The following RBPMS variants were observed in gnomAD, a reference collection of about 807,000 sequenced individuals.
RBPMS encodes RNA binding protein, mRNA processing factor.
In RBPMS, 7 loss-of-function variants were observed where a neutral mutation model predicts 26.8. The observed-to-expected ratio is 0.26, with a 90% confidence interval of 0.15 to 0.49. The LOEUF is 0.49. RBPMS is among the 20% of genes least tolerant of loss of function. The pLI is 0.98. For missense variants in RBPMS, 186 were observed against 250.0 expected (o/e 0.74, Z 1.73); for synonymous variants, 96 against 93.3 (o/e 1.03, Z -0.17).
intron 4 of RBPMS, among the ~76,000 whole-genome samples, chr8:30,498,736 G>A (rs1012474512): frequency 2.6e-5 from 4 of 152,138 alleles, no homozygotes; most frequent in Non-Finnish European, 5.9e-5. Context: ...ATGTATAGTA[G>A]ATAATGAGAG....
At chr8:30,489,378 G>A (rs4733492) in intron 4 of RBPMS, among the ~76,000 whole-genome samples, 151,952 of 152,356 alleles carry the variant, frequency 1, 75,774 homozygotes, top group Middle Eastern at 1. Context: ...CTGGCATTCA[G>A]TAATGGTAAA....
intron 1 of RBPMS, among the ~76,000 whole-genome samples, chr8:30,393,545 C>T (rs1808038657): frequency 6.6e-6 from 1 of 150,782 alleles, no homozygotes; most frequent in Non-Finnish European, 1.5e-5. Context: ...TTCTTTGAGA[C>T]GGAGTCTTGC....
chr8:30,416,832 C>T (rs1407471967), intron 1 of RBPMS, among the ~76,000 whole-genome samples: 28 of 152,090 alleles, frequency 1.8e-4, no homozygotes, highest in Non-Finnish European at 2.9e-5. Flanking sequence ...TACAGTGGTG[C>T]AATCTCGACT....
At chr8:30,522,678 G>A (rs995942874) in intron 5 of RBPMS, among the ~76,000 whole-genome samples, 17 of 151,998 alleles carry the variant, frequency 1.1e-4, no homozygotes, top group African/African-American at 3.9e-4. Flanking sequence ...AGTTTCATAG[G>A]TATATACTTA....
intron 6 of RBPMS, among the ~76,000 whole-genome samples, chr8:30,550,025 T>A (rs1826229279): frequency 6.6e-6 from 1 of 152,016 alleles, no homozygotes; most frequent in African/African-American, 2.4e-5. Context: ...TCATTTTTTG[T>A]ATTTTTAGTA....
At chr8:30,438,842 C>T (rs113481688) in intron 1 of RBPMS, among the ~76,000 whole-genome samples, 36,714 of 152,024 alleles carry the variant, frequency 0.24, 4,879 homozygotes, top group East Asian at 0.43. Context: ...GGTGCAATCT[C>T]AGCTCACTGT....
At chr8:30,457,583 CTTTTTTTTTTT>C (rs77253053) in intron 1 of RBPMS, among the ~76,000 whole-genome samples, 1 of 132,858 alleles carries the variant, frequency 7.5e-6, no homozygotes, top group African/African-American at 3.0e-5. Context: ...GATTTACATT[CTTTTTTTTTTT>C]TTTTTTTTTT....
intron 1 of RBPMS, among the ~76,000 whole-genome samples, chr8:30,469,451 C>T (rs1816853637): frequency 2.0e-5 from 3 of 152,258 alleles, no homozygotes; most frequent in Admixed American, 2.0e-4. Context: ...CAAGAACACT[C>T]TTGCTCTTCT....
chr8:30,486,859 T>A (rs1159585832), intron 4 of RBPMS, among the ~76,000 whole-genome samples: 1 of 152,092 alleles, frequency 6.6e-6, no homozygotes, highest in Non-Finnish European at 1.5e-5. Flanking sequence ...CTGTGTGAAA[T>A]AGCTCTCAGA....
chr8:30,529,807 G>T (rs1178685184), intron 5 of RBPMS, among the ~76,000 whole-genome samples: 1 of 150,488 alleles, frequency 6.6e-6, no homozygotes, highest in Non-Finnish European at 1.5e-5. Flanking sequence ...AGGCTGGAGT[G>T]CAATGGCATG....
intron 6 of RBPMS, among the ~76,000 whole-genome samples, chr8:30,548,993 A>G (rs538224989): frequency 5.9e-5 from 9 of 152,362 alleles, no homozygotes; most frequent in African/African-American, 2.2e-4. Context: ...CTCAGTGCGC[A>G]CACAGCTCCT....
At chr8:30,521,683 G>A (rs1219578261) in intron 5 of RBPMS, among the ~76,000 whole-genome samples, 2 of 150,630 alleles carry the variant, frequency 1.3e-5, no homozygotes, top group Admixed American at 1.3e-4. Flanking sequence ...TGTTGCAAAC[G>A]GTAGGATCCT....
At chr8:30,492,433 T>C (rs1478855334) in intron 4 of RBPMS, among the ~76,000 whole-genome samples, 1 of 151,872 alleles carries the variant, frequency 6.6e-6, no homozygotes, top group Non-Finnish European at 1.5e-5. Flanking sequence ...GACACCACGC[T>C]TGTCAACACC....
chr8:30,435,749 A>G (rs1007475885), intron 1 of RBPMS, among the ~76,000 whole-genome samples: 6 of 152,224 alleles, frequency 3.9e-5, no homozygotes, highest in African/African-American at 1.4e-4. Flanking sequence ...AATACTCTTG[A>G]AGAGTCTTCA....
chr8:30,520,920 T>C (rs1822958234), intron 5 of RBPMS, among the ~76,000 whole-genome samples: 1 of 152,176 alleles, frequency 6.6e-6, no homozygotes, highest in African/African-American at 2.4e-5. Flanking sequence ...TTCTTCCCAA[T>C]TGTAAGGCTT....
At chr8:30,419,991 G>A (rs1810564203) in intron 1 of RBPMS, among the ~76,000 whole-genome samples, 1 of 152,094 alleles carries the variant, frequency 6.6e-6, no homozygotes, top group South Asian at 2.1e-4. Context: ...TTGAGAGGAC[G>A]ACATGCATGG....
intron 8 of RBPMS, among the ~76,000 whole-genome samples, chr8:30,569,584 C>A (rs1828129559): frequency 2.0e-5 from 3 of 152,164 alleles, no homozygotes; most frequent in African/African-American, 7.2e-5. Context: ...GATTTGGAAG[C>A]CACTGGAAAG....
intron 4 of RBPMS, among the ~76,000 whole-genome samples, chr8:30,484,093 A>T (rs1056499853): frequency 6.6e-6 from 1 of 152,162 alleles, no homozygotes; most frequent in African/African-American, 2.4e-5. Flanking sequence ...TCCTTTGGGT[A>T]TACCTAGGAG....
intron 1 of RBPMS, among the ~76,000 whole-genome samples, chr8:30,411,210 C>T (rs762910013): frequency 1.1e-4 from 16 of 152,200 alleles, no homozygotes; most frequent in Non-Finnish European, 1.8e-4. Context: ...TTCTCACTTC[C>T]TCCTGTATGT....
Sources: allele counts gnomAD v4.1 joint callset (sites outside exome capture counted in the v4.1 genomes callset), GRCh38; gene constraint gnomAD v4.1.1; transcripts MANE v1.5; gene names NCBI Gene and HGNC (gene_info 2026-07-23, HGNC 2026-07-21).